ANKRD30B: variants seen among roughly 807,000 people sequenced by gnomAD.
ANKRD30B encodes ankyrin repeat domain-containing protein 30B.
Under a neutral mutation model 202.2 loss-of-function variants are expected in ANKRD30B, and 144 were observed. The ratio of observed to expected loss-of-function variants is 0.71; its 90% CI spans 0.62 to 0.82. The LOEUF (loss-of-function observed/expected upper bound fraction) is 0.82, where lower values mean the gene tolerates loss of function less well. Among genes scored for constraint, ANKRD30B ranks in the 40% least tolerant of loss-of-function variants. The probability of loss-of-function intolerance (pLI) is 0.00; values close to 1 mark genes in which losing one functional copy is unlikely to be tolerated. For missense variants in ANKRD30B, 1,487 were observed against 1,669.1 expected, an observed-to-expected ratio of 0.89 and a Z score of 1.90; for synonymous variants, 508 against 561.3, an observed-to-expected ratio of 0.91 and a Z score of 1.34.
chr18:14,816,810 T>C (rs1970134442), intron 30 of ANKRD30B: 2 of 152,190 alleles, frequency 1.3e-5, no homozygotes, highest in African/African-American at 2.4e-5. Flanking sequence ...ATGTCCTTTG[T>C]AGGGACATGA....
chr18:14,764,167 T>G, intron 7 of ANKRD30B, 77 bp downstream of exon 7: 1 of 1,370,802 alleles, frequency 7.3e-7, no homozygotes, highest in Non-Finnish European at 9.6e-7. Flanking sequence ...ATATGGGAGT[T>G]GTTGGGAATG....
At chr18:14,793,048 T>C (rs71364861) in intron 16 of ANKRD30B, among the ~76,000 whole-genome samples, 14 of 152,304 alleles carry the variant, frequency 9.2e-5, no homozygotes, top group African/African-American at 2.6e-4. Flanking sequence ...TATTGAGGGC[T>C]AATTAAGTTT....
At chr18:14,789,530 C>G (rs547732663) in intron 15 of ANKRD30B, among the ~76,000 whole-genome samples, 1 of 152,120 alleles carries the variant, frequency 6.6e-6, no homozygotes, top group Non-Finnish European at 1.5e-5. Context: ...TTAAGTCTAA[C>G]GTTTAAGTCT....
chr18:14,792,952 T>G (rs1358434769), intron 16 of ANKRD30B, among the ~76,000 whole-genome samples: 1 of 152,172 alleles, frequency 6.6e-6, no homozygotes, highest in Non-Finnish European at 1.5e-5. Context: ...ATTGTTGTTA[T>G]TCATAGGTAT....
At chr18:14,858,350 A>G (rs1281755326), downstream of ANKRD30B, among the ~76,000 whole-genome samples, 3 of 69,570 alleles carry the variant, frequency 4.3e-5, no homozygotes, top group South Asian at 1.0e-3. Flanking sequence ...AGATGGGGCG[A>G]CCGGGAAGAG....
chr18:14,930,591 G>A, the ANKRD30B span, among the ~76,000 whole-genome samples: 1 of 152,042 alleles, frequency 6.6e-6, no homozygotes, highest in Non-Finnish European at 1.5e-5. Context: ...GTGTGCTATG[G>A]GGTAGACACA....
At chr18:14,806,020 A>T (rs1289777052) in intron 24 of ANKRD30B, among the ~76,000 whole-genome samples, 1 of 150,260 alleles carries the variant, frequency 6.7e-6, no homozygotes, top group Non-Finnish European at 1.5e-5. Flanking sequence ...GGAGATCCAG[A>T]CCATCCTGGC....
intron 34 of ANKRD30B, among the ~76,000 whole-genome samples, chr18:14,836,033 T>C (rs1312535507): frequency 6.6e-6 from 1 of 152,040 alleles, no homozygotes; most frequent in Non-Finnish European, 1.5e-5. Context: ...CTTAATCCCA[T>C]GTTTTTCTCT....
chr18:14,880,627 G>T, the ANKRD30B span, among the ~76,000 whole-genome samples: 1 of 145,078 alleles, frequency 6.9e-6, no homozygotes, highest in African/African-American at 2.6e-5. Context: ...GTGCAATGGT[G>T]TGATCTTGGC....
In ANKRD30B at chr18:14,805,023, C is replaced by T. The variant is rs180677289; in HGVS notation, c.2284+1199C>T. 2.3e-3 allele frequency among the ~76,000 whole-genome samples: 353 copies of T among 150,550 alleles called. 12 individuals carry two copies. Among genetic ancestry groups the T allele is most frequent in the Non-Finnish European group, 3.7e-3 (250 of 67,646 alleles). On this transcript the variant is annotated intron_variant, in intron 24 of 43. Coordinates refer to ENST00000690538, the MANE Select transcript of ANKRD30B (RefSeq NM_001367607.2). ...GAGGATTACTAGAATAGGACTAAAC[C>T]TCAGTGACTCATTAATTTTCTTTAT...
In ANKRD30B at chr18:14,803,797, T is replaced by C. The variant is rs775216101; in HGVS notation, c.2257T>C (p.Phe753Leu). 31 of 1,603,098 alleles carry C rather than the reference T, an allele frequency of 1.9e-5. 1 individual carries two copies. In the African/African-American group the frequency reaches 4.1e-4, roughly 21 times the overall value. ...ACCCAAGGCTACACATCAAAAAGAA[T>C]TCGATACCTTAAGTGGAAAATTAGA... is the stretch of plus-strand genomic sequence containing the variant. ...CLPKATHQKE[F>L]DTLSGKLEES... The change falls in exon 24 of 44, where the codon TTC becomes CTC. Residue 753 changes from phenylalanine to leucine, a missense_variant. This residue lies in a region of ANKRD30B where 218 missense variants were observed against 320.1 expected (regional missense o/e 0.68). Coordinates refer to ENST00000690538, the MANE Select transcript of ANKRD30B (RefSeq NM_001367607.2).
At chr18:14,783,918 A>G (rs1441169823) in intron 12 of ANKRD30B, among the ~76,000 whole-genome samples, 4 of 152,090 alleles carry the variant, frequency 2.6e-5, no homozygotes, top group Admixed American at 6.5e-5. Context: ...TGAGATGTCA[A>G]TTCTACATTC....
At chr18:14,895,711 G>A in the ANKRD30B span, among the ~76,000 whole-genome samples, 1 of 152,232 alleles carries the variant, frequency 6.6e-6, no homozygotes, top group African/African-American at 2.4e-5. Flanking sequence ...GAGCTGTGAA[G>A]CCACAAAAAG....
the ANKRD30B span, among the ~76,000 whole-genome samples, chr18:14,861,844 T>C: frequency 6.6e-6 from 1 of 152,212 alleles, no homozygotes; most frequent in South Asian, 2.1e-4. Flanking sequence ...ATTTTTCTCA[T>C]TTGCACATGG....
intron 33 of ANKRD30B, among the ~76,000 whole-genome samples, 184 bp from the exon 34 acceptor site, chr18:14,831,199 A>AAAAAAAAAAC (rs1970918626): frequency 6.6e-6 from 1 of 150,904 alleles, no homozygotes; most frequent in Admixed American, 6.6e-5. Context: ...AAAAAAAAAA[A>AAAAAAAAAAC]ACGAAAACCA....
the ANKRD30B span, among the ~76,000 whole-genome samples, chr18:14,885,340 A>G: frequency 1.3e-5 from 2 of 152,052 alleles, no homozygotes; most frequent in Non-Finnish European, 2.9e-5. Flanking sequence ...ATGAAACTGC[A>G]TGATAAGCCC....
At chr18:14,899,543 A>T in the ANKRD30B span, among the ~76,000 whole-genome samples, 1 of 152,134 alleles carries the variant, frequency 6.6e-6, no homozygotes, top group Non-Finnish European at 1.5e-5. Flanking sequence ...AGTGCTCCAT[A>T]AATAAAACAT....
chr18:14,768,115 C>A (rs1209272465), intron 7 of ANKRD30B, among the ~76,000 whole-genome samples: 1 of 151,932 alleles, frequency 6.6e-6, no homozygotes, highest in Non-Finnish European at 1.5e-5. Context: ...CCTCAACCTC[C>A]TAGGAGGTGA....
Position 14,777,853 on chromosome 18 carries a change from G to T in ANKRD30B, c.1330-132G>T. On this transcript the variant is annotated intron_variant, in intron 9 of 43. Coordinates refer to ENST00000690538, the MANE Select transcript of ANKRD30B (RefSeq NM_001367607.2). ...AGCTACTCAGGAGGCAGAAGGAGGAGAATCGCTTGAACCTGGGAGACAGAG... is the reference window on the plus strand; with the variant it reads ...AGCTACTCAGGAGGCAGAAGGAGGATAATCGCTTGAACCTGGGAGACAGAG... 1.6e-5 allele frequency: 10 copies of T among 627,938 alleles called. No homozygotes were observed. The South Asian group carries it at 1.9e-4, about 12-fold the overall frequency. 38.9% of individuals were successfully genotyped at this position (627,938 alleles called of 1,614,324 possible). A position where few individuals can be genotyped will look rare whatever the true frequency, so the allele number is the denominator to read the frequency against.
Sources: gnomAD v4.1 joint callset for allele counts (sites outside exome capture counted in the v4.1 genomes callset) on GRCh38, gnomAD v4.1.1 for gene constraint, gnomAD v4.1.1 regional missense constraint, MANE v1.5 for transcripts, NCBI Gene and HGNC (gene_info 2026-07-23, HGNC 2026-07-21) for gene names.